Variants in PDZRN3 observed in about 807,000 individuals in gnomAD.
The protein encoded by PDZRN3 is PDZ domain containing ring finger 3.
A neutral mutation model predicts 85.7 loss-of-function variants in PDZRN3; 38 were observed. That is an observed-to-expected ratio of 0.44 (90% confidence interval 0.34 to 0.58). The LOEUF is 0.58. PDZRN3 is among the 20% of genes least tolerant of loss of function. The pLI, the probability that PDZRN3 is intolerant of heterozygous loss-of-function variation, is 0.01. For missense variants in PDZRN3, 1,629 were observed against 1,506.4 expected (o/e 1.08, Z -1.35); for synonymous variants, 759 against 638.0 (o/e 1.19, Z -2.86).
chr3:73,548,579 T>C (rs571471129), intron 3 of PDZRN3, among the ~76,000 whole-genome samples: 1 of 152,222 alleles, frequency 6.6e-6, no homozygotes, highest in Non-Finnish European at 1.5e-5. Context: ...GACATCCATA[T>C]TGTAAGATTG....
intron 5 of PDZRN3, among the ~76,000 whole-genome samples, chr3:73,393,419 G>C (rs192243696): frequency 3.4e-4 from 52 of 152,274 alleles, no homozygotes; most frequent in Admixed American, 9.8e-4. Flanking sequence ...ATTGAGGGAA[G>C]TGTTCAGAAA....
At chr3:73,418,008 A>T (rs1433118073) in intron 3 of PDZRN3, among the ~76,000 whole-genome samples, 1 of 152,256 alleles carries the variant, frequency 6.6e-6, no homozygotes, top group Non-Finnish European at 1.5e-5. Context: ...AGTAAACTTA[A>T]GTGTGTACTT....
intron 3 of PDZRN3, among the ~76,000 whole-genome samples, chr3:73,446,087 A>C (rs957250570): frequency 2.6e-5 from 4 of 152,242 alleles, no homozygotes; most frequent in African/African-American, 9.6e-5. Flanking sequence ...GAAAGCTGAT[A>C]AGTGGGTGCT....
intron 3 of PDZRN3, among the ~76,000 whole-genome samples, chr3:73,475,061 G>C (rs1366223191): frequency 6.6e-6 from 1 of 151,136 alleles, no homozygotes; most frequent in Non-Finnish European, 1.5e-5. Flanking sequence ...CAGGCATTGA[G>C]TATCCAAGCA....
chr3:73,595,221 A>G (rs1405789541), intron 3 of PDZRN3, among the ~76,000 whole-genome samples: 2 of 152,234 alleles, frequency 1.3e-5, no homozygotes, highest in Non-Finnish European at 2.9e-5. Flanking sequence ...GCAGCTAACA[A>G]AGAATCTTCT....
At chr3:73,476,220 A>C (rs6776348) in intron 3 of PDZRN3, among the ~76,000 whole-genome samples, 2,073 of 152,314 alleles carry the variant, frequency 0.014, 58 homozygotes, top group African/African-American at 0.048. Flanking sequence ...ACAGTTCCAC[A>C]GGCTATACAG....
intron 3 of PDZRN3, among the ~76,000 whole-genome samples, chr3:73,426,236 C>G (rs1702312928): frequency 6.6e-6 from 1 of 152,040 alleles, no homozygotes. Context: ...TATACAGCAA[C>G]TTCCAGAGAC....
At chr3:73,478,661 T>C (rs1419013497) in intron 3 of PDZRN3, among the ~76,000 whole-genome samples, 1 of 152,176 alleles carries the variant, frequency 6.6e-6, no homozygotes, top group Admixed American at 6.5e-5. Context: ...GTGGAAAAAC[T>C]GTCTTCCATG....
intron 3 of PDZRN3, among the ~76,000 whole-genome samples, chr3:73,443,501 G>T (rs1872952): frequency 2.6e-4 from 33 of 127,548 alleles, no homozygotes; most frequent in East Asian, 8.4e-4. Flanking sequence ...TTTTTTTTGG[G>T]GGGGGGACAG....
chr3:73,576,841 A>G (rs921781943), intron 3 of PDZRN3, among the ~76,000 whole-genome samples: 1 of 152,202 alleles, frequency 6.6e-6, no homozygotes, highest in African/African-American at 2.4e-5. Context: ...AGTCTTAGAG[A>G]TAAGTGAAAT....
chr3:73,514,333 A>G (rs1244604563), intron 3 of PDZRN3, among the ~76,000 whole-genome samples: 1 of 152,200 alleles, frequency 6.6e-6, no homozygotes, highest in East Asian at 1.9e-4. Flanking sequence ...GAATTACGCA[A>G]ATGGACTATA....
rs918200118 is a variant in PDZRN3, at chr3:73,566,818, C to T, written c.918+35536G>A. Among the ~76,000 whole-genome samples the T allele has an allele frequency of 8.5e-5, 13 of 152,164 alleles. 1 individual carries two copies. Among genetic ancestry groups the T allele is most frequent in the Non-Finnish European group, 1.6e-4 (11 of 68,040 alleles). On this transcript the variant is annotated intron_variant, in intron 3 of 9. Coordinates refer to ENST00000263666, the MANE Select transcript of PDZRN3 (RefSeq NM_015009.3). ...AGAAAACGGTGTCTTGCTGGTGTCTCTGGAGACTGTCATGCCGAGATGCAA... is the reference window on the plus strand; with the variant it reads ...AGAAAACGGTGTCTTGCTGGTGTCTTTGGAGACTGTCATGCCGAGATGCAA...
rs143795235 is a variant in PDZRN3, at chr3:73,573,408, T to C, written c.918+28946A>G. ...CAAAGCCAGAGCTATATTTAAGCAG[T>C]AGAACTTTCTAGCAGAGGTTAACAC... On this transcript the variant is annotated intron_variant, in intron 3 of 9. Coordinates refer to ENST00000263666, the MANE Select transcript of PDZRN3 (RefSeq NM_015009.3). 2.6e-3 allele frequency among the ~76,000 whole-genome samples: 403 copies of C among 152,280 alleles called. 1 individual carries two copies. The highest frequency in any genetic ancestry group is 4.5e-3 in the Non-Finnish European group (309 of 68,032).
chr3:73,415,520 G>C (rs1374986789), intron 3 of PDZRN3, among the ~76,000 whole-genome samples: 1 of 152,102 alleles, frequency 6.6e-6, no homozygotes, highest in Non-Finnish European at 1.5e-5. Context: ...ATTTATGATG[G>C]TTTGACTTAT....
At chr3:73,511,917 G>A (rs1228636401) in intron 3 of PDZRN3, among the ~76,000 whole-genome samples, 2 of 152,208 alleles carry the variant, frequency 1.3e-5, no homozygotes, top group East Asian at 1.9e-4. Flanking sequence ...CAGGGATGGT[G>A]ACAACACAGA....
At position 73,400,934 on chromosome 3, in the gene PDZRN3, C is replaced by T. The variant is rs762156050; in HGVS notation, c.1242G>A (p.Glu414=). ...GDIHQEMDRE[E]LELEEVDLYR... ...ATGTTCTTCATACCTCCAGCTCCAGCTCCTCCCTGTCCATCTCCTGATGGA... is the reference window on the plus strand; with the variant it reads ...ATGTTCTTCATACCTCCAGCTCCAGTTCCTCCCTGTCCATCTCCTGATGGA... The change falls in exon 5 of 10, where the codon GAG becomes GAA. Residue 414 remains glutamate, a synonymous_variant. Coordinates refer to ENST00000263666, the MANE Select transcript of PDZRN3 (RefSeq NM_015009.3). 48 of 1,611,162 alleles carry T rather than the reference C, an allele frequency of 3.0e-5. 1 individual carries two copies. In the South Asian group the frequency reaches 4.7e-4, roughly 16 times the overall value.
At chr3:73,517,786 G>C (rs1704281291) in intron 3 of PDZRN3, among the ~76,000 whole-genome samples, 2 of 152,110 alleles carry the variant, frequency 1.3e-5, no homozygotes, top group Admixed American at 1.3e-4. Flanking sequence ...ATATTTTCCA[G>C]CATCAAAATT....
intron 3 of PDZRN3, among the ~76,000 whole-genome samples, chr3:73,414,645 T>G (rs988834237): frequency 1.3e-4 from 20 of 152,350 alleles, no homozygotes; most frequent in African/African-American, 4.3e-4. Context: ...AACAAACAAC[T>G]CAGTTTAAAA....
chr3:73,443,223 C>A (rs1049707196), intron 3 of PDZRN3, among the ~76,000 whole-genome samples: 5 of 152,164 alleles, frequency 3.3e-5, no homozygotes, highest in East Asian at 1.9e-4. Flanking sequence ...CAAAACCCCC[C>A]CTACCCTCCT....
Sources: gnomAD v4.1 joint callset for allele counts (sites outside exome capture counted in the v4.1 genomes callset) on GRCh38, gnomAD v4.1.1 for gene constraint, MANE v1.5 for transcripts, NCBI Gene and HGNC (gene_info 2026-07-23, HGNC 2026-07-21) for gene names.